SLC8A3: variants seen among roughly 807,000 people sequenced by gnomAD.
SLC8A3 encodes solute carrier family 8 member A3.
Under a neutral mutation model 65.4 loss-of-function variants are expected in SLC8A3, and 37 were observed. The observed-to-expected ratio is 0.57, with a 90% CI of 0.44 to 0.74. SLC8A3 has a LOEUF of 0.74. SLC8A3 is among the 30% of genes least tolerant of loss of function. The pLI, the probability that SLC8A3 is intolerant of heterozygous loss-of-function variation, is 0.00. For synonymous variants in SLC8A3, 461 were observed against 444.5 expected, an observed-to-expected ratio of 1.04 and a Z score of -0.47; for missense variants, 1,112 against 1,172.1, an observed-to-expected ratio of 0.95 and a Z score of 0.75.
At chr14:70,124,921 A>G (rs188725585) in intron 2 of SLC8A3, among the ~76,000 whole-genome samples, 2 of 152,360 alleles carry the variant, frequency 1.3e-5, no homozygotes, top group Admixed American at 6.5e-5. Context: ...GAGGGTTGGA[A>G]GAAGGTGGCA....
At chr14:70,082,376 C>T (rs1198083002) in intron 2 of SLC8A3, among the ~76,000 whole-genome samples, 1 of 152,170 alleles carries the variant, frequency 6.6e-6, no homozygotes, top group Non-Finnish European at 1.5e-5. Flanking sequence ...TCCTAATCTC[C>T]TTTGCTGCTG....
At chr14:70,170,875 T>G (rs532574227) in intron 1 of SLC8A3, among the ~76,000 whole-genome samples, 2 of 152,296 alleles carry the variant, frequency 1.3e-5, no homozygotes, top group African/African-American at 4.8e-5. Context: ...TGGGACCTGT[T>G]GTGCCTTTGA....
At chr14:70,111,968 C>T (rs1893333570) in intron 2 of SLC8A3, among the ~76,000 whole-genome samples, 1 of 152,134 alleles carries the variant, frequency 6.6e-6, no homozygotes, top group South Asian at 2.1e-4. Context: ...ATGGTGGGAG[C>T]TAGAGCTGCA....
intron 2 of SLC8A3, among the ~76,000 whole-genome samples, chr14:70,069,893 G>A (rs531068142): frequency 6.6e-6 from 1 of 152,278 alleles, no homozygotes; most frequent in African/African-American, 2.4e-5. Flanking sequence ...TAGATCTGGG[G>A]TGGGGCCTGA....
chr14:70,083,937 C>G (rs978431988), intron 2 of SLC8A3, among the ~76,000 whole-genome samples: 8 of 152,166 alleles, frequency 5.3e-5, no homozygotes. Flanking sequence ...AAGGGTATTA[C>G]AACACAGAAG....
chr14:70,153,774 T>C (rs1381842051), intron 2 of SLC8A3, among the ~76,000 whole-genome samples: 1 of 152,236 alleles, frequency 6.6e-6, no homozygotes, highest in African/African-American at 2.4e-5. Context: ...CTCCTGGGGC[T>C]GCAGCTGAGC....
At chr14:70,104,894 G>GA (rs150740360) in intron 2 of SLC8A3, among the ~76,000 whole-genome samples, 15,062 of 146,950 alleles carry the variant, frequency 0.1, 968 homozygotes, top group Non-Finnish European at 0.15. Flanking sequence ...CAAGAAGCCA[G>GA]AAAAAAAAAT....
At position 70,046,123 on chromosome 14, in the gene SLC8A3, T is replaced by C. The variant is rs1234321352; in HGVS notation, c.2590A>G (p.Ile864Val). 6.2e-7 allele frequency: 1 copy of C among 1,614,046 alleles called. No homozygotes were observed. The highest frequency in any genetic ancestry group is 8.5e-7 in the Non-Finnish European group (1 of 1,179,968). ...TLAFSVTLFT[I>V]FAFVCISVLL... ...ACGCTGATGCAGACAAATGCAAAGA[T>C]GGTGAAGAGGGTGACGGAGAAGGCC... is the stretch of plus-strand genomic sequence containing the variant. Residue 864 changes from isoleucine to valine, a missense_variant, in exon 7 of 7, where the codon ATC becomes GTC. Ile to Val is a conservative substitution (Grantham distance 29). Coordinates refer to ENST00000356921, the MANE Select transcript of SLC8A3 (RefSeq NM_182932.3). The surrounding 1 kb of genome is among the most constrained non-coding windows in gnomAD (Gnocchi z 4.2).
At chr14:70,133,988 G>C (rs1431121282) in intron 2 of SLC8A3, among the ~76,000 whole-genome samples, 1 of 152,184 alleles carries the variant, frequency 6.6e-6, no homozygotes, top group East Asian at 1.9e-4. Flanking sequence ...GCTGGGCTCT[G>C]TGGAGGGAAC....
rs1594793342 is a variant in SLC8A3, at chr14:70,166,862, C to T, written c.1561G>A (p.Val521Ile). The T allele has an allele frequency of 1.2e-6, 2 of 1,614,152 alleles. No individual in the cohort carries two copies. Among genetic ancestry groups the T allele is most frequent in the Non-Finnish European group, 1.7e-6 (2 of 1,179,996 alleles). ...AVLASPCVAT[V>I]TILDDDHAGI... is the part of the protein sequence containing the mutation. ...GCATGGTCATCATCCAAGATGGTAA[C>T]TGTGGCCACACAAGGGGAGGCTAGG... Residue 521 changes from valine to isoleucine, a missense_variant, in exon 2 of 7, where the codon GTT (valine) becomes ATT (isoleucine). By Grantham distance (29) the Val-to-Ile change is conservative (BLOSUM62 3). Transcript: ENST00000356921.
At chr14:70,051,559 T>G (rs1887508738) in intron 4 of SLC8A3, among the ~76,000 whole-genome samples, 1 of 152,132 alleles carries the variant, frequency 6.6e-6, no homozygotes, top group Non-Finnish European at 1.5e-5. Flanking sequence ...TCTCGGCCTC[T>G]CAAAGTGCTG....
intron 1 of SLC8A3, among the ~76,000 whole-genome samples, chr14:70,174,662 G>GTTGTTTTTT (rs1897768760): frequency 1.5e-5 from 1 of 66,516 alleles, no homozygotes; most frequent in Non-Finnish European, 3.2e-5. Flanking sequence ...TTTTTTTTTT[G>GTTGTTTTTT]TTTTTTTTTT....
At chr14:70,103,523 G>A (rs1046087771) in intron 2 of SLC8A3, among the ~76,000 whole-genome samples, 1 of 152,048 alleles carries the variant, frequency 6.6e-6, no homozygotes, top group African/African-American at 2.4e-5. Context: ...GAATGGGAGT[G>A]TAAAGGGACA....
chr14:70,119,144 T>A (rs1357296812), intron 2 of SLC8A3, among the ~76,000 whole-genome samples: 1 of 151,498 alleles, frequency 6.6e-6, no homozygotes, highest in South Asian at 2.1e-4. Flanking sequence ...CCATGTGACA[T>A]CTTTAGGTTT....
chr14:70,170,984 C>T (rs1426371214), intron 1 of SLC8A3, among the ~76,000 whole-genome samples: 1 of 152,182 alleles, frequency 6.6e-6, no homozygotes, highest in Admixed American at 6.5e-5. Context: ...AAGCTCTTGT[C>T]ATCAATGATG....
chr14:70,115,790 T>C (rs1281584718), intron 2 of SLC8A3, among the ~76,000 whole-genome samples: 2 of 152,164 alleles, frequency 1.3e-5, no homozygotes, highest in Non-Finnish European at 2.9e-5. Flanking sequence ...TGGGGCAAGT[T>C]ACCAAATCTT....
At chr14:70,134,924 T>A (rs1895086940) in intron 2 of SLC8A3, among the ~76,000 whole-genome samples, 1 of 152,224 alleles carries the variant, frequency 6.6e-6, no homozygotes, top group Non-Finnish European at 1.5e-5. Flanking sequence ...ACAGATGTAA[T>A]TAGTTAAGCT....
At chr14:70,078,039 A>T (rs1364082730) in intron 2 of SLC8A3, among the ~76,000 whole-genome samples, 2 of 152,242 alleles carry the variant, frequency 1.3e-5, no homozygotes, top group African/African-American at 4.8e-5. Flanking sequence ...GACAGGAGCC[A>T]GCCAGGAAGG....
intron 2 of SLC8A3, among the ~76,000 whole-genome samples, chr14:70,139,027 C>G (rs1314339161): frequency 6.6e-6 from 1 of 152,088 alleles, no homozygotes; most frequent in Non-Finnish European, 1.5e-5. Flanking sequence ...AATTGGAGTG[C>G]CAAACTGAGG....
Sources: gnomAD v4.1 joint callset for allele counts (sites outside exome capture counted in the v4.1 genomes callset) on GRCh38, gnomAD v4.1.1 for gene constraint, Gnocchi (gnomAD v3.1) non-coding constraint, MANE v1.5 for transcripts, NCBI Gene and HGNC (gene_info 2026-07-23, HGNC 2026-07-21) for gene names.